SMYD3: variants seen among roughly 807,000 people sequenced by gnomAD.
The protein encoded by SMYD3 is histone-lysine N-methyltransferase SMYD3.
In SMYD3, 36 loss-of-function variants were observed where a neutral mutation model predicts 57.7. The observed-to-expected ratio is 0.62, with a 90% CI of 0.48 to 0.82. The LOEUF is 0.82. Ranked by LOEUF, SMYD3 falls within the 40% of genes least tolerant of loss-of-function variation. The pLI is 0.00. For synonymous variants in SMYD3, 211 were observed against 195.0 expected (o/e 1.08, Z -0.68); for missense variants, 515 against 538.8 (o/e 0.96, Z 0.44).
rs138144595 is a variant in SMYD3 at position 246,301,201 on chromosome 1, A to G, written c.531+26000T>C. Among the ~76,000 whole-genome samples, 4 of 152,340 alleles carry G rather than the reference A, an allele frequency of 2.6e-5. No individual in the cohort carries two copies. The East Asian group carries it at 7.7e-4, about 29-fold the overall frequency. On this transcript the variant is annotated intron_variant, in intron 5 of 11. Transcript: ENST00000490107. Reference sequence around the variant, plus strand: ...TCTGAACAAAGTCTAATGAACAAATAAAATATAAATAGACAATGAAAAAAA... The same window carrying G: ...TCTGAACAAAGTCTAATGAACAAATGAAATATAAATAGACAATGAAAAAAA...
chr1:246,248,631 C>CTTGTTTTTTG, intron 5 of SMYD3, among the ~76,000 whole-genome samples: 1 of 119,270 alleles, frequency 8.4e-6, no homozygotes, highest in Non-Finnish European at 1.6e-5. Flanking sequence ...AGCTCTCTGA[C>CTTGTTTTTTG]TTTCCTTTTT....
At chr1:246,134,396 A>C (rs1289968662) in intron 5 of SMYD3, among the ~76,000 whole-genome samples, 1 of 152,124 alleles carries the variant, frequency 6.6e-6, no homozygotes, top group Non-Finnish European at 1.5e-5. Flanking sequence ...ATTCAGCTAG[A>C]TCATGTATAT....
intron 5 of SMYD3, among the ~76,000 whole-genome samples, chr1:246,020,409 T>A (rs959978797): frequency 6.6e-5 from 10 of 152,228 alleles, no homozygotes; most frequent in African/African-American, 2.4e-4. Flanking sequence ...TCTTCTTGGC[T>A]TCTTAGGTTT....
chr1:246,119,199 A>T (rs781416396), intron 5 of SMYD3, among the ~76,000 whole-genome samples: 3 of 150,856 alleles, frequency 2.0e-5, no homozygotes, highest in Admixed American at 6.6e-5. Flanking sequence ...TTTTTTTTTT[A>T]TTTTTGGAAG....
chr1:246,286,426 G>A (rs2064564818), intron 5 of SMYD3, among the ~76,000 whole-genome samples: 1 of 152,072 alleles, frequency 6.6e-6, no homozygotes, highest in African/African-American at 2.4e-5. Context: ...TCTTAGGGAA[G>A]TCCCAATTTC....
chr1:246,495,458 C>G (rs2068345666), intron 1 of SMYD3, among the ~76,000 whole-genome samples: 1 of 151,912 alleles, frequency 6.6e-6, no homozygotes, highest in Non-Finnish European at 1.5e-5. Flanking sequence ...TAAATCTCCC[C>G]GAGTGCTTTC....
intron 5 of SMYD3, among the ~76,000 whole-genome samples, chr1:246,307,437 T>TTC (rs2065000712): frequency 8.1e-6 from 1 of 123,974 alleles, no homozygotes; most frequent in Admixed American, 8.5e-5. Context: ...TTTTTTTTTT[T>TTC]GAGACGGAGT....
intron 5 of SMYD3, among the ~76,000 whole-genome samples, chr1:246,273,683 C>G (rs560678682): frequency 6.0e-4 from 87 of 145,232 alleles, no homozygotes; most frequent in Admixed American, 1.6e-3. Flanking sequence ...CTCCCAGGTT[C>G]AAGCGATTCT....
chr1:245,786,541 A>G (rs550169621), intron 10 of SMYD3, among the ~76,000 whole-genome samples: 66 of 151,806 alleles, frequency 4.3e-4, no homozygotes, highest in Non-Finnish European at 8.8e-5. Flanking sequence ...GCCTCACTGA[A>G]CCTCACCTAA....
intron 10 of SMYD3, among the ~76,000 whole-genome samples, chr1:245,818,744 T>C (rs1287129965): frequency 2.0e-5 from 3 of 151,958 alleles, no homozygotes; most frequent in Non-Finnish European, 4.4e-5. Flanking sequence ...GGGGTTGCAA[T>C]CCTAGTCTGA....
chr1:246,306,487 A>G (rs1010135047), intron 5 of SMYD3, among the ~76,000 whole-genome samples: 1 of 152,240 alleles, frequency 6.6e-6, no homozygotes, highest in East Asian at 1.9e-4. Flanking sequence ...CTCTAAAATT[A>G]TAATACCTTA....
intron 3 of SMYD3, 65 bp from the exon 4 acceptor site, chr1:246,330,602 T>C: frequency 7.5e-7 from 1 of 1,337,094 alleles, no homozygotes; most frequent in Non-Finnish European, 1.0e-6. Flanking sequence ...AACAAATAAG[T>C]TTGAGTACCT....
chr1:245,762,581 A>G (rs1239221660), intron 11 of SMYD3, among the ~76,000 whole-genome samples: 1 of 152,210 alleles, frequency 6.6e-6, no homozygotes. Flanking sequence ...CCGCCTGGGT[A>G]AACATGCCAG....
intron 5 of SMYD3, among the ~76,000 whole-genome samples, chr1:246,126,728 AT>A (rs757131949): frequency 9.2e-5 from 14 of 152,194 alleles, no homozygotes; most frequent in Admixed American, 2.6e-4. Context: ...ACTCAGTTGA[AT>A]GTTGTTTTAC....
intron 1 of SMYD3, among the ~76,000 whole-genome samples, chr1:246,439,551 C>T (rs948487833): frequency 6.6e-6 from 1 of 152,108 alleles, no homozygotes; most frequent in Non-Finnish European, 1.5e-5. Context: ...AGCATGGGGC[C>T]TGTTTCTTTC....
intron 1 of SMYD3, among the ~76,000 whole-genome samples, chr1:246,403,908 T>A (rs149361240): frequency 6.6e-6 from 1 of 152,198 alleles, no homozygotes; most frequent in Non-Finnish European, 1.5e-5. Context: ...ATACAAAGCA[T>A]GTGAAACGTC....
At chr1:246,378,646 TATATATATACACACACAC>T (rs2066319857) in intron 1 of SMYD3, among the ~76,000 whole-genome samples, 1 of 132,310 alleles carries the variant, frequency 7.6e-6, no homozygotes, top group South Asian at 2.2e-4. Context: ...CCTTCATATA[TATATATATACACACACAC>T]ATATATATAT....
At chr1:246,261,709 A>T (rs114386396) in intron 5 of SMYD3, among the ~76,000 whole-genome samples, 40,325 of 123,324 alleles carry the variant, frequency 0.33, 6,008 homozygotes, top group East Asian at 0.66. Context: ...TAAGAATTTA[A>T]AAAAAAAATC....
At chr1:246,376,396 G>T (rs1213001980) in intron 1 of SMYD3, among the ~76,000 whole-genome samples, 1 of 151,634 alleles carries the variant, frequency 6.6e-6, no homozygotes, top group East Asian at 1.9e-4. Flanking sequence ...TTCAAGACCA[G>T]CCTGGCCAAC....
Sources: gnomAD v4.1 joint callset for allele counts (sites outside exome capture counted in the v4.1 genomes callset) on GRCh38, gnomAD v4.1.1 for gene constraint, MANE v1.5 for transcripts, NCBI Gene and HGNC (gene_info 2026-07-23, HGNC 2026-07-21) for gene names.